The following PSD3 variants were observed in gnomAD, a reference collection of about 807,000 sequenced individuals.
PSD3 encodes the protein PH and SEC7 domain-containing protein 3.
A neutral mutation model predicts 105.5 loss-of-function variants in PSD3; 49 were observed. The observed-to-expected ratio is 0.46, with a 90% confidence interval of 0.37 to 0.59. The LOEUF is 0.59. Among genes scored for constraint, PSD3 ranks in the 20% least tolerant of loss-of-function variants. The pLI, the probability that PSD3 is intolerant of heterozygous loss-of-function variation, is 0.00. For missense variants in PSD3, 1,561 were observed against 1,263.8 expected (o/e 1.24, Z -3.57); for synonymous variants, 557 against 457.8 (o/e 1.22, Z -2.77).
chr8:18,566,925 C>T (rs992354388), intron 14 of PSD3, among the ~76,000 whole-genome samples: 2 of 152,128 alleles, frequency 1.3e-5, no homozygotes, highest in African/African-American at 2.4e-5. Context: ...TGTGTGCTTG[C>T]CTGTTCTGGG....
At chr8:18,863,467 T>G (rs1816602948) in intron 4 of PSD3, among the ~76,000 whole-genome samples, 1 of 152,150 alleles carries the variant, frequency 6.6e-6, no homozygotes, top group South Asian at 2.1e-4. Context: ...CTTTGCTTCT[T>G]CATTGATATA....
Position 18,655,705 on chromosome 8 carries a change from G to T in PSD3, c.2173-20C>A. 2.5e-6 allele frequency: 4 copies of T among 1,607,742 alleles called. No homozygotes were observed. Among genetic ancestry groups the T allele is most frequent in the African/African-American group, 2.7e-5 (2 of 74,832 alleles). ...CAGAGCCTGTAAAGAGAGAAAATGAGATCACATTATTCTTTCCATTCTGTT... is the reference window on the plus strand; with the variant it reads ...CAGAGCCTGTAAAGAGAGAAAATGATATCACATTATTCTTTCCATTCTGTT... On this transcript the variant is annotated intron_variant, in intron 9 of 15. Coordinates refer to ENST00000327040, the MANE Select transcript of PSD3 (RefSeq NM_015310.4).
chr8:18,662,568 T>C (rs2130878628), intron 9 of PSD3, among the ~76,000 whole-genome samples: 1 of 152,354 alleles, frequency 6.6e-6, no homozygotes, highest in Middle Eastern at 3.4e-3. Flanking sequence ...GTGGGGCACC[T>C]ATCACTGACT....
At chr8:19,041,055 G>C (rs11986186) in intron 1 of PSD3, among the ~76,000 whole-genome samples, 20,418 of 151,910 alleles carry the variant, frequency 0.13, 1,749 homozygotes, top group East Asian at 0.24. Flanking sequence ...ACCACATCCA[G>C]CTAATTTTTA....
At chr8:18,750,415 G>C (rs554451006) in intron 9 of PSD3, among the ~76,000 whole-genome samples, 3 of 151,992 alleles carry the variant, frequency 2.0e-5, no homozygotes, top group Admixed American at 6.6e-5. Context: ...GGAGTTGTTC[G>C]TTCCTCCCGG....
chr8:18,583,499 T>C (rs1319573539), intron 12 of PSD3, among the ~76,000 whole-genome samples: 1 of 152,174 alleles, frequency 6.6e-6, no homozygotes, highest in Non-Finnish European at 1.5e-5. Flanking sequence ...TGCTCTAAGA[T>C]AAAGTCTCAA....
At chr8:18,943,721 T>C (rs974262723) in intron 1 of PSD3, among the ~76,000 whole-genome samples, 20 of 151,988 alleles carry the variant, frequency 1.3e-4, no homozygotes, top group African/African-American at 4.6e-4. Context: ...AAAACAATAG[T>C]TTTATTAACT....
chr8:18,908,858 C>G (rs553280030), intron 2 of PSD3, among the ~76,000 whole-genome samples: 1 of 152,140 alleles, frequency 6.6e-6, no homozygotes, highest in African/African-American at 2.4e-5. Context: ...TCCTGCCCTC[C>G]CCTTTTTAAA....
chr8:18,672,654 T>G (rs1325041117), intron 9 of PSD3, among the ~76,000 whole-genome samples: 3 of 152,194 alleles, frequency 2.0e-5, no homozygotes, highest in African/African-American at 7.2e-5. Context: ...ATCGGTATTG[T>G]TGCATAAAAA....
chr8:18,668,123 G>A (rs1338262001), intron 9 of PSD3, among the ~76,000 whole-genome samples: 1 of 152,218 alleles, frequency 6.6e-6, no homozygotes, highest in African/African-American at 2.4e-5. Context: ...GCCCAGAAAC[G>A]GGCTCCCACA....
intron 9 of PSD3, among the ~76,000 whole-genome samples, chr8:18,752,501 A>AATAT (rs10634696): frequency 1.0e-4 from 9 of 88,640 alleles, no homozygotes; most frequent in Admixed American, 3.7e-4. Context: ...TAATATATAT[A>AATAT]ATATATATAA....
At chr8:18,587,406 C>CA (rs1329589958) in intron 12 of PSD3, among the ~76,000 whole-genome samples, 11 of 138,160 alleles carry the variant, frequency 8.0e-5, no homozygotes, top group Middle Eastern at 3.6e-3. Context: ...GTGATACCTT[C>CA]ATCATTTGAA....
At chr8:18,863,216 T>A (rs1028999488) in intron 4 of PSD3, among the ~76,000 whole-genome samples, 4 of 152,242 alleles carry the variant, frequency 2.6e-5, no homozygotes, top group East Asian at 1.9e-4. Context: ...ATCCAGCTAA[T>A]GGTCACAGTG....
chr8:18,884,875 G>T (rs926184391), intron 2 of PSD3, among the ~76,000 whole-genome samples: 3 of 152,174 alleles, frequency 2.0e-5, no homozygotes, highest in African/African-American at 7.2e-5. Context: ...GTGAGCTAAG[G>T]AGTGGCACCG....
At chr8:18,991,846 T>C (rs1477773663) in intron 1 of PSD3, among the ~76,000 whole-genome samples, 1 of 152,194 alleles carries the variant, frequency 6.6e-6, no homozygotes, top group Admixed American at 6.5e-5. Context: ...TGGCTGTGCT[T>C]TTATTGAATA....
intron 9 of PSD3, among the ~76,000 whole-genome samples, chr8:18,759,916 TATA>T (rs1185745498): frequency 6.9e-6 from 1 of 144,722 alleles, no homozygotes; most frequent in Non-Finnish European, 1.5e-5. Context: ...CTTTTCTGTA[TATA>T]ATGAGAAATG....
chr8:18,586,933 T>C (rs1340425529), intron 12 of PSD3, among the ~76,000 whole-genome samples: 2 of 152,066 alleles, frequency 1.3e-5, no homozygotes, highest in Non-Finnish European at 2.9e-5. Context: ...CCCTTAAGGA[T>C]AGACGCCGGA....
At chr8:18,613,742 A>C (rs1805448284) in intron 11 of PSD3, among the ~76,000 whole-genome samples, 1 of 152,166 alleles carries the variant, frequency 6.6e-6, no homozygotes, top group African/African-American at 2.4e-5. Flanking sequence ...AGCAGAATCC[A>C]TTCTCAGGGC....
At chr8:18,924,169 C>T (rs1563426125) in intron 2 of PSD3, among the ~76,000 whole-genome samples, 1 of 152,076 alleles carries the variant, frequency 6.6e-6, no homozygotes, top group Non-Finnish European at 1.5e-5. Context: ...ATACCAAAAA[C>T]CCTAGCCAAA....
Sources: allele counts gnomAD v4.1 joint callset (sites outside exome capture counted in the v4.1 genomes callset), GRCh38; gene constraint gnomAD v4.1.1; transcripts MANE v1.5; gene names NCBI Gene and HGNC (gene_info 2026-07-23, HGNC 2026-07-21).